EVC2: variants seen among roughly 807,000 people sequenced by gnomAD.
The protein encoded by EVC2 is EvC ciliary complex subunit 2, also known as limbin.
Under a neutral mutation model 149.3 loss-of-function variants are expected in EVC2, and 148 were observed. That is an observed-to-expected ratio of 0.99 (90% CI 0.87 to 1.14). The LOEUF (loss-of-function observed/expected upper bound fraction) is 1.14, where lower values mean the gene tolerates loss of function less well. Among genes scored for constraint, EVC2 ranks in the 50% most tolerant of loss-of-function variants. The pLI, the probability that EVC2 is intolerant of heterozygous loss-of-function variation, is 0.00. For missense variants in EVC2, 1,854 were observed against 1,627.3 expected, an observed-to-expected ratio of 1.14 and a Z score of -2.40; for synonymous variants, 776 against 649.9, an observed-to-expected ratio of 1.19 and a Z score of -2.95.
intron 14 of EVC2, among the ~76,000 whole-genome samples, chr4:5,620,992 A>G (rs1369585752): frequency 6.6e-6 from 1 of 152,200 alleles, no homozygotes; most frequent in East Asian, 1.9e-4. Context: ...AGAAGACAGA[A>G]TCTTGTTTTC....
chr4:5,662,194 CCT>C (rs942677234), intron 9 of EVC2, among the ~76,000 whole-genome samples: 12 of 152,040 alleles, frequency 7.9e-5, no homozygotes, highest in African/African-American at 2.9e-4. Flanking sequence ...CCCTTTCTTT[CCT>C]CTGTCTGAAA....
intron 16 of EVC2, among the ~76,000 whole-genome samples, chr4:5,606,050 C>G (rs988728710): frequency 2.0e-4 from 31 of 152,196 alleles, no homozygotes; most frequent in African/African-American, 7.5e-4. Flanking sequence ...CTAAGCCAAC[C>G]ACAGCAGAGG....
rs185137198 is a variant in EVC2 at position 5,569,822 on chromosome 4, C to T, written c.3361-1182G>A. 2.0e-5 allele frequency among the ~76,000 whole-genome samples: 3 copies of T among 152,120 alleles called. No individual in the cohort carries two copies. Among genetic ancestry groups the T allele is most frequent in the African/African-American group, 7.2e-5 (3 of 41,504 alleles). ...TTGGTAAGTGCTTTCAGTGAAGGCACGAGGAAAGGTGCTGTTCCAAATACC... is the reference window on the plus strand; with the variant it reads ...TTGGTAAGTGCTTTCAGTGAAGGCATGAGGAAAGGTGCTGTTCCAAATACC... On this transcript the variant is annotated intron_variant, in intron 19 of 21. Coordinates refer to ENST00000344408, the MANE Select transcript of EVC2 (RefSeq NM_147127.5). This position sits in a 1 kb window ranked among gnomAD's most constrained non-coding sequence, Gnocchi z 4.8.
At chr4:5,593,634 G>C (rs112241524) in intron 16 of EVC2, among the ~76,000 whole-genome samples, 4,437 of 152,268 alleles carry the variant, frequency 0.029, 186 homozygotes, top group African/African-American at 0.095. Context: ...AGCTCCCAGC[G>C]TGAGCGACGC....
chr4:5,609,923 G>A (rs1037509872), intron 16 of EVC2, among the ~76,000 whole-genome samples: 1 of 152,148 alleles, frequency 6.6e-6, no homozygotes, highest in African/African-American at 2.4e-5. Flanking sequence ...CATAAAACAG[G>A]GACGTTGATG....
intron 14 of EVC2, among the ~76,000 whole-genome samples, chr4:5,619,747 G>A (rs1455827024): frequency 2.6e-5 from 4 of 152,178 alleles, no homozygotes. Flanking sequence ...CCACTCTAAT[G>A]GAGAGAATGG....
chr4:5,556,450 G>A (rs1015672220), intron 21 of EVC2, among the ~76,000 whole-genome samples: 1 of 151,366 alleles, frequency 6.6e-6, no homozygotes, highest in East Asian at 1.9e-4. Flanking sequence ...AGTGCCTAAA[G>A]GGAAATTTAT....
chr4:5,543,721 G>C (rs1721560426), intron 21 of EVC2, among the ~76,000 whole-genome samples: 1 of 152,136 alleles, frequency 6.6e-6, no homozygotes, highest in Non-Finnish European at 1.5e-5. Context: ...GAAACCCCAG[G>C]TAGGTAAGAG....
chr4:5,623,774 C>T (rs1343083137), intron 13 of EVC2, among the ~76,000 whole-genome samples: 1 of 152,202 alleles, frequency 6.6e-6, no homozygotes, highest in East Asian at 1.9e-4. Flanking sequence ...TACTCACAAG[C>T]TGAGTGACCC....
At chr4:5,584,549 T>C (rs1479619073) in intron 17 of EVC2, 74 bp downstream of exon 17, 7 of 1,456,976 alleles carry the variant, frequency 4.8e-6, no homozygotes, top group African/African-American at 1.4e-5. Context: ...GCCTGTTTCA[T>C]AGAGGAAGAT....
At chr4:5,559,872 G>GT (rs1390765339), downstream of EVC2, among the ~76,000 whole-genome samples, 8 of 152,092 alleles carry the variant, frequency 5.3e-5, no homozygotes, top group Non-Finnish European at 1.2e-4. This position sits in a 1 kb window ranked among gnomAD's most constrained non-coding sequence, Gnocchi z 5.0. Context: ...CCCTCAAGGA[G>GT]GTAGACTTAT....
rs1454889306 is a variant in EVC2, at chr4:5,686,467, C to G, written c.707-988G>C. Among the ~76,000 whole-genome samples, 3 of 152,200 alleles carry G rather than the reference C, an allele frequency of 2.0e-5. No individual in the cohort carries two copies. Among genetic ancestry groups the G allele is most frequent in the Non-Finnish European group, 4.4e-5 (3 of 68,040 alleles). Reference sequence around the variant, plus strand: ...AAGTCATAGTCAGACCTTCCCCATACAGTGATTTCATCACTCTCCACGTGC... The same window carrying G: ...AAGTCATAGTCAGACCTTCCCCATAGAGTGATTTCATCACTCTCCACGTGC... On this transcript the variant is annotated intron_variant, in intron 5 of 21. Transcript: ENST00000344408. This position sits in a 1 kb window ranked among gnomAD's most constrained non-coding sequence, Gnocchi z 5.4.
intron 1 of EVC2, among the ~76,000 whole-genome samples, chr4:5,704,472 C>T (rs917215679): frequency 3.9e-5 from 6 of 151,956 alleles, no homozygotes; most frequent in African/African-American, 7.3e-5. Flanking sequence ...TGAGCCTCCA[C>T]GGGCCATGTC....
intron 3 of EVC2, among the ~76,000 whole-genome samples, chr4:5,691,631 A>G (rs1721127202): frequency 6.6e-6 from 1 of 152,092 alleles, no homozygotes; most frequent in Non-Finnish European, 1.5e-5. Flanking sequence ...AGCAAGGGGG[A>G]CGTGGGCAGA....
At chr4:5,653,416 G>A (rs1327423991) in intron 9 of EVC2, among the ~76,000 whole-genome samples, 1 of 152,104 alleles carries the variant, frequency 6.6e-6, no homozygotes, top group Non-Finnish European at 1.5e-5. Flanking sequence ...CAAGAATTTG[G>A]GCCAGATGAC....
At chr4:5,680,147 T>C (rs1720247184) in intron 7 of EVC2, among the ~76,000 whole-genome samples, 1 of 152,128 alleles carries the variant, frequency 6.6e-6, no homozygotes, top group Non-Finnish European at 1.5e-5. Context: ...CTAGAATCCC[T>C]CCTGACGGAC....
intron 17 of EVC2, among the ~76,000 whole-genome samples, chr4:5,582,966 G>T (rs1429622037): frequency 6.6e-6 from 1 of 152,146 alleles, no homozygotes; most frequent in Non-Finnish European, 1.5e-5. Context: ...CCCAGAAGCT[G>T]GGCAGATGCA....
At chr4:5,626,233 C>T (rs1223431188) in intron 12 of EVC2, among the ~76,000 whole-genome samples, 3 of 151,732 alleles carry the variant, frequency 2.0e-5, no homozygotes, top group Non-Finnish European at 4.4e-5. Flanking sequence ...GTGTCAAGAA[C>T]AGCACAAACA....
chr4:5,589,241 T>C (rs1712571129), intron 16 of EVC2, among the ~76,000 whole-genome samples: 1 of 152,242 alleles, frequency 6.6e-6, no homozygotes. Context: ...ATTATTTCCA[T>C]TGCCGAGGCA....
Sources: gnomAD v4.1 joint callset for allele counts (sites outside exome capture counted in the v4.1 genomes callset) on GRCh38, gnomAD v4.1.1 for gene constraint, Gnocchi (gnomAD v3.1) non-coding constraint, MANE v1.5 for transcripts, NCBI Gene and HGNC (gene_info 2026-07-23, HGNC 2026-07-21) for gene names.